The following TCF20 variants were observed in gnomAD, a reference collection of about 807,000 sequenced individuals.
TCF20 encodes SPRE-binding protein.
In TCF20, 3 loss-of-function variants were observed where a neutral mutation model predicts 148.6. The observed-to-expected ratio is 0.02, with a 90% CI of 0.01 to 0.05. The LOEUF is 0.05. TCF20 is among the 10% of genes least tolerant of loss of function. TCF20 has a pLI of 1.00. For missense variants in TCF20, 2,350 were observed against 2,429.3 expected (o/e 0.97, Z 0.69); for synonymous variants, 1,049 against 909.5 (o/e 1.15, Z -2.76).
intron 1 of TCF20, among the ~76,000 whole-genome samples, chr22:42,263,718 T>A (rs1255589957): frequency 6.6e-6 from 1 of 152,218 alleles, no homozygotes; most frequent in Non-Finnish European, 1.5e-5. Context: ...ATTTTGTCTC[T>A]GCTTTCAAGC....
At chr22:42,262,151 T>A (rs1926060806) in intron 1 of TCF20, among the ~76,000 whole-genome samples, 1 of 152,076 alleles carries the variant, frequency 6.6e-6, no homozygotes, top group African/African-American at 2.4e-5. Flanking sequence ...GAGTTTGGAA[T>A]CTAAGTGCTA....
chr22:42,200,821 G>C (rs971103750), intron 2 of TCF20, among the ~76,000 whole-genome samples: 1 of 152,042 alleles, frequency 6.6e-6, no homozygotes, highest in African/African-American at 2.4e-5. Flanking sequence ...CTTATTTCCT[G>C]AGTTTCCTTT....
chr22:42,341,816 G>A (rs1055485545), intron 1 of TCF20, among the ~76,000 whole-genome samples: 5 of 152,154 alleles, frequency 3.3e-5, no homozygotes, highest in African/African-American at 9.7e-5. Context: ...ACCACATTGA[G>A]AGCAATAATG....
At chr22:42,314,481 G>C (rs1184564478) in intron 1 of TCF20, among the ~76,000 whole-genome samples, 1 of 152,246 alleles carries the variant, frequency 6.6e-6, no homozygotes, top group Non-Finnish European at 1.5e-5. Flanking sequence ...CGGCAGGCGG[G>C]CAGGCGGCCA....
Position 42,210,906 on chromosome 22 carries a change from G to A in TCF20, c.4400C>T (p.Thr1467Ile). The A allele has an allele frequency of 6.2e-7, 1 of 1,614,186 alleles. No homozygotes were observed. Among genetic ancestry groups the A allele is most frequent in the Non-Finnish European group, 8.5e-7 (1 of 1,180,042 alleles). Residue 1467 changes from threonine to isoleucine, a missense_variant, in exon 2 of 6, where the codon ACA (threonine) becomes ATA (isoleucine). Coordinates refer to ENST00000677622, the MANE Select transcript of TCF20 (RefSeq NM_001378418.1). This position sits in a 1 kb window ranked among gnomAD's most constrained non-coding sequence, Gnocchi z 4.7. Reference protein sequence around the residue: ...GKEPPGAMTSTTSQKPGSNQG... With the variant: ...GKEPPGAMTSITSQKPGSNQG... ...GTTACTACCAGGCTTCTGTGAGGTT[G>A]TGGATGTCATGGCACCAGGGGGTTC...
rs562798124 is a variant in TCF20 at position 42,211,778 on chromosome 22, T to C, written c.3528A>G (p.Glu1176=). The change falls in exon 2 of 6, where the codon GAA becomes GAG. Residue 1176 remains glutamate, a synonymous_variant. Coordinates refer to ENST00000677622, the MANE Select transcript of TCF20 (RefSeq NM_001378418.1). ...GTAACTTCTGGGAGCCATGCTTTAA[T>C]TCCATGCCCTTGTTAGGCAGACCAT... ...SSDGLPNKGM[E]LKHGSQKLQE... The C allele has an allele frequency of 6.2e-7, 1 of 1,614,186 alleles. No individual in the cohort carries two copies. Among genetic ancestry groups the C allele is most frequent in the South Asian group, 1.1e-5 (1 of 91,084 alleles).
chr22:42,161,882 T>G (rs550060395), intron 5 of TCF20, among the ~76,000 whole-genome samples: 28 of 151,720 alleles, frequency 1.8e-4, no homozygotes, highest in African/African-American at 6.5e-4. Context: ...CCTGCAGCCT[T>G]GACCTCCTGG....
rs143461515 is a variant in TCF20, at chr22:42,186,707, T to G, written c.5656-7005A>C. On this transcript the variant is annotated intron_variant, in intron 2 of 5. Transcript: ENST00000677622. ...AGTTCTTGGCCAAGTCTCTGGACACTTCACTTCTTAGCTACTATTTACTAT... is the reference window on the plus strand; with the variant it reads ...AGTTCTTGGCCAAGTCTCTGGACACGTCACTTCTTAGCTACTATTTACTAT... Among the ~76,000 whole-genome samples, 227 of 152,300 alleles carry G rather than the reference T, an allele frequency of 1.5e-3. 1 individual carries two copies. The highest frequency in any genetic ancestry group is 3.4e-3 in the Middle Eastern group (1 of 294).
Position 42,292,944 on chromosome 22 carries a change from T to C in TCF20, c.-37+50535A>G, listed in dbSNP as rs1927159484. ...CCCACTCTGTCCTGCCCACCAGGAG[T>C]GGCGGGGTTTGAATTTCAGGAGCTG... On this transcript the variant is annotated intron_variant, in intron 1 of 1. Coordinates refer to the TCF20 transcript ENST00000515426. This position sits in a 1 kb window ranked among gnomAD's most constrained non-coding sequence, Gnocchi z 4.9. 7.0e-6 allele frequency among the ~76,000 whole-genome samples: 1 copy of C among 143,166 alleles called. No individual in the cohort carries two copies. Among genetic ancestry groups the C allele is most frequent in the Non-Finnish European group, 1.5e-5 (1 of 66,016 alleles). 93.9% of individuals were successfully genotyped at this position (143,166 alleles called of 152,430 possible).
In TCF20 at chr22:42,212,315, A is replaced by C; in HGVS notation, c.2991T>G (p.Gly997=). 6.2e-7 allele frequency: 1 copy of C among 1,614,062 alleles called. No homozygotes were observed. ...PMRRVPGRVG[G]REGMRGRSPS... is the part of the protein sequence containing the mutation. ...GGGACCGACCCCTCATGCCCTCCCGACCACCAACTCTGCCAGGGACCCGCC... is the reference window on the plus strand; with the variant it reads ...GGGACCGACCCCTCATGCCCTCCCGCCCACCAACTCTGCCAGGGACCCGCC... Residue 997 remains glycine, a synonymous_variant, in exon 2 of 6, where the codon GGT becomes GGG. Coordinates refer to ENST00000677622, the MANE Select transcript of TCF20 (RefSeq NM_001378418.1).
upstream of TCF20, among the ~76,000 whole-genome samples, chr22:42,272,550 G>A (rs1306252249): frequency 2.6e-5 from 4 of 152,172 alleles, no homozygotes; most frequent in Non-Finnish European, 5.9e-5. Context: ...AAAGAATAAA[G>A]AATGCAGACA....
intron 2 of TCF20, 63 bp downstream of exon 2, chr22:42,209,588 A>G: frequency 6.6e-7 from 1 of 1,515,766 alleles, no homozygotes; most frequent in Non-Finnish European, 8.9e-7. Flanking sequence ...GAACAAAAAC[A>G]TGCAAGAAAA....
chr22:42,245,969 A>T (rs1924868116), intron 1 of TCF20, among the ~76,000 whole-genome samples: 2 of 152,008 alleles, frequency 1.3e-5, no homozygotes. Flanking sequence ...TTTCCCACAC[A>T]ATACTGTTGA....
At chr22:42,253,932 C>T (rs781184137) in intron 1 of TCF20, among the ~76,000 whole-genome samples, 2 of 151,990 alleles carry the variant, frequency 1.3e-5, no homozygotes, top group South Asian at 2.1e-4. Flanking sequence ...CAAAATTAGC[C>T]GGGTGTAGTG....
chr22:42,219,043 A>T (rs982406449), intron 1 of TCF20, among the ~76,000 whole-genome samples: 1 of 152,244 alleles, frequency 6.6e-6, no homozygotes, highest in East Asian at 1.9e-4. Context: ...AATTAAGAAA[A>T]CCAACTAGCA....
intron 1 of TCF20, among the ~76,000 whole-genome samples, chr22:42,260,675 G>A (rs73169135): frequency 0.087 from 13,186 of 152,038 alleles, 668 homozygotes; most frequent in African/African-American, 0.12. Flanking sequence ...TTAGAGACAG[G>A]GTCTCACTGT....
intron 3 of TCF20, among the ~76,000 whole-genome samples, chr22:42,176,738 C>T (rs1936476870): frequency 6.6e-6 from 1 of 152,136 alleles, no homozygotes; most frequent in African/African-American, 2.4e-5. Context: ...TGAAATAAGC[C>T]AGGCACGGAA....
Position 42,213,570 on chromosome 22 carries a change from T to C in TCF20, c.1736A>G (p.Glu579Gly). 1 of 1,614,186 alleles carries C rather than the reference T, an allele frequency of 6.2e-7. No individual in the cohort carries two copies. The change falls in exon 2 of 6, where the codon GAA becomes GGA. Residue 579 changes from glutamate to glycine, a missense_variant. By Grantham distance (98) the Glu-to-Gly change is moderately conservative (BLOSUM62 -2). Around this residue, in one of 7 missense-constraint regions of TCF20, gnomAD observed 1,641 missense variants for 1,662.6 expected, o/e 0.99. Transcript: ENST00000677622. ...PRLNASPAAR[E>G]EATSPGAKDM... ...CTTAGCGCCTGGTGAGGTGGCCTCT[T>C]CTCTTGCGGCAGGACTAGCATTGAG...
In TCF20 at chr22:42,161,232, A is replaced by T; in HGVS notation, c.*171T>A. 7.2e-7 allele frequency: 1 copy of T among 1,379,918 alleles called. No individual in the cohort carries two copies. The highest frequency in any genetic ancestry group is 1.0e-6 in the Non-Finnish European group (1 of 985,480). The allele number at this position is 1,379,918 out of a possible 1,614,324, so 85.5% of individuals were successfully genotyped here. On this transcript the variant is annotated 3_prime_UTR_variant, in exon 6 of 6. Coordinates refer to ENST00000677622, the MANE Select transcript of TCF20 (RefSeq NM_001378418.1). ...TGGTTTGAGTGTGATGTGAGAACTTAAGGAAGTGCTGGCATGGGCAGGCAC... is the reference window on the plus strand; with the variant it reads ...TGGTTTGAGTGTGATGTGAGAACTTTAGGAAGTGCTGGCATGGGCAGGCAC...
Sources: gnomAD v4.1 joint callset for allele counts (sites outside exome capture counted in the v4.1 genomes callset) on GRCh38, gnomAD v4.1.1 for gene constraint, gnomAD v4.1.1 regional missense constraint, Gnocchi (gnomAD v3.1) non-coding constraint, MANE v1.5 for transcripts, NCBI Gene and HGNC (gene_info 2026-07-23, HGNC 2026-07-21) for gene names.